LMO7: variants seen among roughly 807,000 people sequenced by gnomAD.
LMO7 encodes the protein LIM domain 7, also known as LIM domain only protein 7.
In LMO7, 120 loss-of-function variants were observed where a neutral mutation model predicts 206.5. The observed-to-expected ratio is 0.58, with a 90% CI of 0.50 to 0.68. LMO7 has a LOEUF of 0.68. LMO7 is among the 30% of genes least tolerant of loss of function. LMO7 has a pLI of 0.00. For synonymous variants in LMO7, 706 were observed against 681.5 expected (o/e 1.04, Z -0.56); for missense variants, 1,959 against 1,957.9 (o/e 1.00, Z -0.01).
chr13:75,809,086 T>C (rs1294583310), intron 10 of LMO7, 68 bp from the exon 11 acceptor site: 4 of 1,169,730 alleles, frequency 3.4e-6, no homozygotes, highest in Admixed American at 1.7e-5. Context: ...GTGGAAGACA[T>C]TGAACGTTTA....
At chr13:75,835,434 T>C (rs562165750) in intron 18 of LMO7, 95 bp downstream of exon 18, 1 of 713,558 alleles carries the variant, frequency 1.4e-6, no homozygotes, top group Non-Finnish European at 2.2e-6. Flanking sequence ...TTGTACAATT[T>C]TGATGCTAAC....
intron 2 of LMO7, among the ~76,000 whole-genome samples, chr13:75,722,455 G>C (rs1455031103): frequency 6.6e-6 from 1 of 152,016 alleles, no homozygotes; most frequent in African/African-American, 2.4e-5. Context: ...GTACAGCATC[G>C]CTAATAATCA....
At chr13:75,756,244 G>A (rs752094085) in intron 3 of LMO7, among the ~76,000 whole-genome samples, 5 of 152,086 alleles carry the variant, frequency 3.3e-5, no homozygotes, top group South Asian at 2.1e-4. Context: ...AGAGATTGAT[G>A]GGTGCATCTT....
chr13:75,654,427 G>A (rs142524931), intron 1 of LMO7, among the ~76,000 whole-genome samples: 52 of 152,246 alleles, frequency 3.4e-4, no homozygotes, highest in Middle Eastern at 3.4e-3. Flanking sequence ...CAGCTGACAC[G>A]TCCCACTGGT....
intron 24 of LMO7, among the ~76,000 whole-genome samples, chr13:75,842,620 G>T (rs2059641556): frequency 6.6e-6 from 1 of 152,142 alleles, no homozygotes. Context: ...CTGGAATATG[G>T]TGGGGACTCA....
Position 75,840,480 on chromosome 13 carries a change from G to A in LMO7, c.3567G>A (p.Gln1189=). ...RKRQERWQKE[Q]DRLLQEKYQR... ...GGCAGGAGAGGTGGCAGAAGGAGCAGGACCGCCTACTGCAGGTAGCTCTGG... is the reference window on the plus strand; with the variant it reads ...GGCAGGAGAGGTGGCAGAAGGAGCAAGACCGCCTACTGCAGGTAGCTCTGG... Residue 1189 remains glutamine (Q), a synonymous_variant, in exon 22 of 31, where the codon CAG becomes CAA. Transcript: ENST00000377534. 1 of 1,613,756 alleles carries A rather than the reference G, an allele frequency of 6.2e-7. No individual in the cohort carries two copies. The highest frequency in any genetic ancestry group is 2.2e-5 in the East Asian group (1 of 44,858).
intron 4 of LMO7, among the ~76,000 whole-genome samples, chr13:75,776,164 T>TATATATATATATATATATATCGG (rs2050397671): frequency 4.0e-5 from 1 of 25,132 alleles, no homozygotes; most frequent in Non-Finnish European, 7.9e-5. Context: ...ATATATCGGA[T>TATATATATATATATATATATCGG]ATATATATAT....
In LMO7 at chr13:75,858,037, CTT is replaced by C. The variant is rs5804839; in HGVS notation, c.*102_*103del. ...AAATATGTGTTGTATGTCTTTTTTG[CTT>C]TTTTTTTAAAAAAAAGAATAACTTT... is the stretch of plus-strand genomic sequence containing the variant. On this transcript the variant is annotated 3_prime_UTR_variant, in exon 31 of 31. Transcript: ENST00000377534. 1.4e-6 allele frequency: 2 copies of C among 1,438,262 alleles called. No individual in the cohort carries two copies. Among genetic ancestry groups the C allele is most frequent in the South Asian group, 1.3e-5 (1 of 76,418 alleles). The allele number at this position is 1,438,262 out of a possible 1,614,324, so 89.1% of individuals were successfully genotyped here.
chr13:75,652,087 T>A (rs2037625627), intron 1 of LMO7, among the ~76,000 whole-genome samples: 1 of 152,206 alleles, frequency 6.6e-6, no homozygotes. Flanking sequence ...TTTGCTTTTT[T>A]ATGATTGCAA....
chr13:75,776,119 A>G (rs2050344862), intron 4 of LMO7, among the ~76,000 whole-genome samples: 1 of 79,146 alleles, frequency 1.3e-5, no homozygotes, highest in Non-Finnish European at 3.0e-5. Flanking sequence ...ATATACATAC[A>G]TACATACATA....
chr13:75,637,567 A>C (rs1176561867), intron 1 of LMO7, among the ~76,000 whole-genome samples: 2 of 152,238 alleles, frequency 1.3e-5, no homozygotes, highest in African/African-American at 4.8e-5. Context: ...ATCAGGAACA[A>C]CTGCTGAAAA....
intron 4 of LMO7, among the ~76,000 whole-genome samples, chr13:75,781,677 G>C (rs57949950): frequency 0.07 from 9,947 of 141,436 alleles, 557 homozygotes; most frequent in Admixed American, 0.16. Flanking sequence ...GGTATTTCTA[G>C]TTCTAGATCC....
At chr13:75,826,257 C>T (rs1313478583) in intron 15 of LMO7, among the ~76,000 whole-genome samples, 1 of 151,956 alleles carries the variant, frequency 6.6e-6, no homozygotes, top group African/African-American at 2.4e-5. Context: ...ACCCATACTG[C>T]TCTCAAACTC....
At chr13:75,856,140 T>G (rs1001912320) in intron 29 of LMO7, among the ~76,000 whole-genome samples, 2 of 152,156 alleles carry the variant, frequency 1.3e-5, no homozygotes. Context: ...CACCCCAGGG[T>G]GGAGTGCCAG....
At chr13:75,760,695 C>A in intron 3 of LMO7, 3 of 1,524,566 alleles carry the variant, frequency 2.0e-6, no homozygotes, top group Non-Finnish European at 2.6e-6. Flanking sequence ...TCACAAAGAT[C>A]ACAGAAACAG....
At chr13:75,730,285 A>C (rs1473617127) in intron 3 of LMO7, among the ~76,000 whole-genome samples, 2 of 152,158 alleles carry the variant, frequency 1.3e-5, no homozygotes, top group Non-Finnish European at 2.9e-5. Flanking sequence ...GTAAGCTATT[A>C]ATTATTGCCA....
At chr13:75,732,562 T>A (rs2045354340) in intron 3 of LMO7, among the ~76,000 whole-genome samples, 1 of 152,196 alleles carries the variant, frequency 6.6e-6, no homozygotes, top group Admixed American at 6.5e-5. Context: ...TCTTTGCCTT[T>A]GGTTTGACTT....
intron 1 of LMO7, chr13:75,622,015 A>G: frequency 2.0e-6 from 1 of 494,396 alleles, no homozygotes; most frequent in Non-Finnish European, 3.4e-6. Flanking sequence ...CTGAGATAAA[A>G]TTAAGTCAAC....
intron 15 of LMO7, among the ~76,000 whole-genome samples, chr13:75,828,777 C>T (rs987999894): frequency 6.6e-6 from 1 of 152,036 alleles, no homozygotes; most frequent in Admixed American, 6.6e-5. Context: ...AGATCATGGC[C>T]TGAACCAAGA....
Sources: allele counts gnomAD v4.1 joint callset (sites outside exome capture counted in the v4.1 genomes callset), GRCh38; gene constraint gnomAD v4.1.1; transcripts MANE v1.5; gene names NCBI Gene and HGNC (gene_info 2026-07-23, HGNC 2026-07-21).